Variants in DGKI observed in about 807,000 individuals in gnomAD.
The protein encoded by DGKI is diacylglycerol kinase iota.
DGKI carries 55 observed loss-of-function variants against 147.5 expected under a neutral mutation model. That is an observed-to-expected ratio of 0.37 (90% confidence interval 0.30 to 0.47). The LOEUF (loss-of-function observed/expected upper bound fraction) is 0.47. DGKI is among the 20% of genes least tolerant of loss of function. DGKI has a pLI of 1.00. For synonymous variants in DGKI, 469 were observed against 477.1 expected, an observed-to-expected ratio of 0.98 and a Z score of 0.22; for missense variants, 1,007 against 1,323.8, an observed-to-expected ratio of 0.76 and a Z score of 3.71.
chr7:137,521,110 C>T (rs894388919), intron 21 of DGKI, among the ~76,000 whole-genome samples: 3 of 152,004 alleles, frequency 2.0e-5, no homozygotes, highest in African/African-American at 4.8e-5. Context: ...GAGCCGAGAA[C>T]CCTAATATCT....
At chr7:137,575,351 T>C (rs886606106) in intron 17 of DGKI, among the ~76,000 whole-genome samples, 1 of 152,178 alleles carries the variant, frequency 6.6e-6, no homozygotes, top group African/African-American at 2.4e-5. Context: ...TCTTTTAGAC[T>C]CTACTATAAA....
intron 29 of DGKI, 72 bp downstream of exon 29, chr7:137,412,098 G>T: frequency 1.4e-6 from 2 of 1,401,230 alleles, no homozygotes; most frequent in Non-Finnish European, 2.0e-6. Flanking sequence ...GGAACATAGA[G>T]TTTTGATGAG....
intron 20 of DGKI, among the ~76,000 whole-genome samples, chr7:137,541,817 A>T (rs573418259): frequency 6.6e-6 from 1 of 152,304 alleles, no homozygotes; most frequent in African/African-American, 2.4e-5. Flanking sequence ...GAGAAAGCAA[A>T]GGAGAAAATA....
At chr7:137,747,730 CA>C (rs1795383308) in intron 1 of DGKI, among the ~76,000 whole-genome samples, 1 of 152,182 alleles carries the variant, frequency 6.6e-6, no homozygotes, top group South Asian at 2.1e-4. Flanking sequence ...GTAACACCAT[CA>C]CCAAGCTTCC....
chr7:137,782,725 T>C (rs1309615330), intron 1 of DGKI, among the ~76,000 whole-genome samples: 1 of 152,126 alleles, frequency 6.6e-6, no homozygotes, highest in Non-Finnish European at 1.5e-5. Flanking sequence ...CCAAGGACCC[T>C]CACAGAGTCC....
chr7:137,582,054 GT>G, intron 14 of DGKI, 126 bp from the exon 15 acceptor site: 1 of 597,318 alleles, frequency 1.7e-6, no homozygotes, highest in South Asian at 2.8e-5. Flanking sequence ...ACAACTCAAA[GT>G]GGAGGGTGCT....
intron 1 of DGKI, among the ~76,000 whole-genome samples, chr7:137,701,339 A>C (rs1258694765): frequency 2.0e-5 from 3 of 149,778 alleles, no homozygotes; most frequent in African/African-American, 5.0e-5. Flanking sequence ...AGTTCTAGCC[A>C]GTGTAAAAAG....
intron 19 of DGKI, among the ~76,000 whole-genome samples, chr7:137,570,974 C>T (rs1020450750): frequency 6.6e-6 from 1 of 152,116 alleles, no homozygotes; most frequent in Non-Finnish European, 1.5e-5. Flanking sequence ...CTCATTTATT[C>T]TTGAGGTTCA....
intron 21 of DGKI, among the ~76,000 whole-genome samples, chr7:137,508,113 T>C (rs1381025467): frequency 6.6e-6 from 1 of 151,778 alleles, no homozygotes; most frequent in Non-Finnish European, 1.5e-5. Context: ...CTCAAAAGGA[T>C]GGGTAGATAC....
chr7:137,491,039 G>A (rs189139605), intron 21 of DGKI, among the ~76,000 whole-genome samples: 129 of 152,262 alleles, frequency 8.5e-4, no homozygotes, highest in African/African-American at 2.7e-3. Flanking sequence ...TAAAATAACA[G>A]ATGAAGTAGA....
chr7:137,670,622 T>C (rs1012920622), intron 3 of DGKI, among the ~76,000 whole-genome samples: 1 of 152,234 alleles, frequency 6.6e-6, no homozygotes, highest in Non-Finnish European at 1.5e-5. Context: ...TTTTTGTTGA[T>C]GGCCACACTT....
chr7:137,638,606 A>ATGTGTG (rs374937092), intron 6 of DGKI, among the ~76,000 whole-genome samples: 1 of 3,074 alleles, frequency 3.3e-4, no homozygotes, highest in African/African-American at 1.7e-3. Context: ...ATATATGTAT[A>ATGTGTG]TATATACACA....
intron 8 of DGKI, among the ~76,000 whole-genome samples, chr7:137,615,908 C>T (rs891315412): frequency 8.5e-5 from 13 of 152,104 alleles, no homozygotes; most frequent in Admixed American, 7.9e-4. Flanking sequence ...TTATTACGGG[C>T]CCAGGTGGTA....
intron 19 of DGKI, among the ~76,000 whole-genome samples, chr7:137,562,285 C>A (rs1474430672): frequency 6.6e-6 from 1 of 152,180 alleles, no homozygotes; most frequent in African/African-American, 2.4e-5. Context: ...CCTGTAATCC[C>A]AACACTTTGG....
At chr7:137,442,237 T>C (rs1372911430) in intron 28 of DGKI, among the ~76,000 whole-genome samples, 1 of 152,210 alleles carries the variant, frequency 6.6e-6, no homozygotes, top group African/African-American at 2.4e-5. Context: ...TATAAGGTTC[T>C]TAAAATAATC....
chr7:137,645,713 T>C (rs577617057), intron 5 of DGKI, among the ~76,000 whole-genome samples, 176 bp from the exon 6 acceptor site: 4 of 152,350 alleles, frequency 2.6e-5, no homozygotes, highest in African/African-American at 9.6e-5. Flanking sequence ...ACTACAGGCA[T>C]GAGCTACTGC....
At chr7:137,711,486 G>C (rs1401296980) in intron 1 of DGKI, among the ~76,000 whole-genome samples, 2 of 152,090 alleles carry the variant, frequency 1.3e-5, no homozygotes, top group Admixed American at 1.3e-4. Flanking sequence ...GTGACTAAAA[G>C]TGTTAATTGC....
intron 20 of DGKI, among the ~76,000 whole-genome samples, chr7:137,531,066 G>C (rs530346942): frequency 2.1e-3 from 321 of 152,208 alleles, no homozygotes; most frequent in South Asian, 4.6e-3. Flanking sequence ...TACACTCTTT[G>C]TACATTCTTT....
At chr7:137,622,382 C>T (rs912319191) in intron 7 of DGKI, among the ~76,000 whole-genome samples, 3 of 152,132 alleles carry the variant, frequency 2.0e-5, no homozygotes, top group Non-Finnish European at 2.9e-5. Flanking sequence ...CACCAAGACA[C>T]CACAGCCTTT....
Sources: allele counts gnomAD v4.1 joint callset (sites outside exome capture counted in the v4.1 genomes callset), GRCh38; gene constraint gnomAD v4.1.1; transcripts MANE v1.5; gene names NCBI Gene and HGNC (gene_info 2026-07-23, HGNC 2026-07-21).